CFAP299: variants seen among roughly 807,000 people sequenced by gnomAD.
The protein encoded by CFAP299 is cilia and flagella associated protein 299.
A neutral mutation model predicts 27.0 loss-of-function variants in CFAP299; 21 were observed. The ratio of observed to expected loss-of-function variants is 0.78; its 90% CI spans 0.55 to 1.12. The LOEUF (loss-of-function observed/expected upper bound fraction) is 1.12. Ranked by LOEUF, CFAP299 falls within the 50% of genes most tolerant of loss-of-function variation. CFAP299 has a pLI of 0.00. For synonymous variants in CFAP299, 104 were observed against 98.1 expected (o/e 1.06, Z -0.36); for missense variants, 310 against 276.6 (o/e 1.12, Z -0.86).
intron 3 of CFAP299, among the ~76,000 whole-genome samples, chr4:80,752,494 G>A (rs187611653): frequency 7.4e-5 from 11 of 147,998 alleles, no homozygotes; most frequent in African/African-American, 1.2e-4. Flanking sequence ...TTCATGATAT[G>A]TATTTTTCTT....
intron 4 of CFAP299, among the ~76,000 whole-genome samples, chr4:80,891,940 A>C (rs1168855289): frequency 6.6e-6 from 1 of 151,812 alleles, no homozygotes; most frequent in African/African-American, 2.4e-5. Context: ...TACCCAAAGC[A>C]ATCTACAGAA....
At chr4:80,593,780 T>C (rs1736909086) in intron 3 of CFAP299, among the ~76,000 whole-genome samples, 9 of 152,192 alleles carry the variant, frequency 5.9e-5, no homozygotes, top group Admixed American at 5.9e-4. Flanking sequence ...TAGATGAAAG[T>C]TTAGGTCATC....
chr4:80,572,223 G>T (rs976431149), intron 2 of CFAP299, among the ~76,000 whole-genome samples: 1 of 151,782 alleles, frequency 6.6e-6, no homozygotes, highest in Admixed American at 6.6e-5. Flanking sequence ...GTACGATAAA[G>T]TACTGTTGAC....
At chr4:80,805,395 T>G (rs1261737619) in intron 3 of CFAP299, among the ~76,000 whole-genome samples, 1 of 152,114 alleles carries the variant, frequency 6.6e-6, no homozygotes, top group African/African-American at 2.4e-5. Context: ...TCCACTGAAT[T>G]AAATGCTTTA....
chr4:80,621,631 T>C (rs1738611252), intron 3 of CFAP299, among the ~76,000 whole-genome samples: 1 of 152,048 alleles, frequency 6.6e-6, no homozygotes, highest in Non-Finnish European at 1.5e-5. Context: ...ATATTGAAAA[T>C]CCTGGGATAA....
chr4:80,652,375 T>G (rs1424554004), intron 3 of CFAP299, among the ~76,000 whole-genome samples: 1 of 152,028 alleles, frequency 6.6e-6, no homozygotes, highest in Non-Finnish European at 1.5e-5. Flanking sequence ...ATGAAAAACA[T>G]AAATTTCAGA....
chr4:80,947,063 T>G (rs145204374), intron 5 of CFAP299, among the ~76,000 whole-genome samples: 47 of 152,300 alleles, frequency 3.1e-4, no homozygotes, highest in African/African-American at 1.0e-3. Flanking sequence ...GGAATCATTA[T>G]TGAATGTGAA....
intron 2 of CFAP299, among the ~76,000 whole-genome samples, chr4:80,438,552 G>A (rs1052171988): frequency 4.6e-5 from 7 of 152,154 alleles, no homozygotes; most frequent in African/African-American, 7.2e-5. Context: ...TAATTTGAAC[G>A]TTACCTTTGC....
chr4:80,514,246 G>A (rs2110167103), intron 2 of CFAP299, among the ~76,000 whole-genome samples: 1 of 152,016 alleles, frequency 6.6e-6, no homozygotes, highest in East Asian at 1.9e-4. Context: ...CTTTTCAGAT[G>A]GTAATATGAA....
chr4:80,433,627 G>A (rs1255706291), intron 2 of CFAP299, among the ~76,000 whole-genome samples: 2 of 152,050 alleles, frequency 1.3e-5, no homozygotes, highest in African/African-American at 2.4e-5. Flanking sequence ...TAGGTCACAT[G>A]TAATTTTTTT....
At chr4:80,463,185 CAA>C (rs1729535877) in intron 2 of CFAP299, among the ~76,000 whole-genome samples, 1 of 151,584 alleles carries the variant, frequency 6.6e-6, no homozygotes, top group African/African-American at 2.4e-5. Context: ...CTTTTTAACA[CAA>C]GACTTATTAA....
intron 3 of CFAP299, among the ~76,000 whole-genome samples, chr4:80,869,532 G>A (rs1732951029): frequency 6.6e-6 from 1 of 151,828 alleles, no homozygotes; most frequent in African/African-American, 2.4e-5. Flanking sequence ...TTTTTCTTTG[G>A]AGACGGAGTC....
At chr4:80,560,330 G>A (rs1471845014) in intron 2 of CFAP299, among the ~76,000 whole-genome samples, 1 of 152,070 alleles carries the variant, frequency 6.6e-6, no homozygotes, top group Non-Finnish European at 1.5e-5. Context: ...ACTATGTCAA[G>A]GGCCTTGGTG....
intron 2 of CFAP299, chr4:80,386,856 T>C: frequency 2.3e-6 from 2 of 880,356 alleles, no homozygotes; most frequent in Non-Finnish European, 3.9e-6. Context: ...CTCTTACAGT[T>C]TGTCCTTGAG....
intron 2 of CFAP299, among the ~76,000 whole-genome samples, chr4:80,533,884 T>G (rs1733595043): frequency 6.6e-6 from 1 of 152,160 alleles, no homozygotes; most frequent in Non-Finnish European, 1.5e-5. Flanking sequence ...CATGGGTATA[T>G]GATCTGGATC....
intron 2 of CFAP299, among the ~76,000 whole-genome samples, chr4:80,416,737 G>A (rs965334409): frequency 6.6e-6 from 1 of 152,110 alleles, no homozygotes; most frequent in African/African-American, 2.4e-5. Flanking sequence ...TAATCTCCCT[G>A]CATATAAATG....
At chr4:80,379,426 T>C (rs932451722) in intron 2 of CFAP299, among the ~76,000 whole-genome samples, 29 of 151,558 alleles carry the variant, frequency 1.9e-4, no homozygotes, top group African/African-American at 6.8e-4. Flanking sequence ...TTATTATTTC[T>C]TCCTAGTTGC....
At chr4:80,687,828 C>T (rs1332914364) in intron 3 of CFAP299, among the ~76,000 whole-genome samples, 2 of 152,102 alleles carry the variant, frequency 1.3e-5, no homozygotes, top group Non-Finnish European at 1.5e-5. Flanking sequence ...TCAGTGGGTG[C>T]GCGCACCGTG....
At chr4:80,516,579 G>A (rs1453773509) in intron 2 of CFAP299, among the ~76,000 whole-genome samples, 3 of 152,046 alleles carry the variant, frequency 2.0e-5, no homozygotes, top group Non-Finnish European at 4.4e-5. Flanking sequence ...CTAACTGAAT[G>A]AGAACTCACT....
Sources: allele counts gnomAD v4.1 joint callset (sites outside exome capture counted in the v4.1 genomes callset), GRCh38; gene constraint gnomAD v4.1.1; transcripts MANE v1.5; gene names NCBI Gene and HGNC (gene_info 2026-07-23, HGNC 2026-07-21).